COL5A2: variants seen among roughly 807,000 people sequenced by gnomAD.
COL5A2 encodes the protein collagen alpha-2(V) chain.
A neutral mutation model predicts 208.2 loss-of-function variants in COL5A2; 23 were observed. That is an observed-to-expected ratio of 0.11 (90% CI 0.08 to 0.16). COL5A2 has a LOEUF of 0.16. Ranked by LOEUF, COL5A2 falls within the 10% of genes least tolerant of loss-of-function variation. The pLI, the probability that COL5A2 is intolerant of heterozygous loss-of-function variation, is 1.00. For missense variants in COL5A2, 1,590 were observed against 1,956.4 expected, an observed-to-expected ratio of 0.81 and a Z score of 3.53; for synonymous variants, 625 against 628.5, an observed-to-expected ratio of 0.99 and a Z score of 0.08.
At chr2:189,267,516 A>G in the COL5A2 span, among the ~76,000 whole-genome samples, 1 of 152,184 alleles carries the variant, frequency 6.6e-6, no homozygotes, top group Admixed American at 6.6e-5. Flanking sequence ...AATAGGAGCA[A>G]TAAATATAGG....
the COL5A2 span, among the ~76,000 whole-genome samples, chr2:189,325,940 T>C: frequency 4.7e-3 from 714 of 151,954 alleles, 3 homozygotes; most frequent in Admixed American, 8.7e-3. Flanking sequence ...CTACTAAAAA[T>C]ACAAAAATTA....
intron 1 of COL5A2, among the ~76,000 whole-genome samples, chr2:189,220,599 C>T (rs1426077424): frequency 1.3e-5 from 2 of 152,044 alleles, no homozygotes; most frequent in Non-Finnish European, 2.9e-5. Context: ...CTTAGATATA[C>T]ATTCCAAATA....
At chr2:189,311,539 G>T in the COL5A2 span, 2 of 1,253,330 alleles carry the variant, frequency 1.6e-6, no homozygotes, top group Non-Finnish European at 1.1e-6. Flanking sequence ...GGATCCTGTT[G>T]AGCTGCTCCA....
chr2:189,234,056 C>A, the COL5A2 span, among the ~76,000 whole-genome samples: 1 of 151,550 alleles, frequency 6.6e-6, no homozygotes, highest in Non-Finnish European at 1.5e-5. Context: ...TATCTACTTT[C>A]AGCATATTAT....
chr2:189,113,811 A>C (rs1247921614), intron 1 of COL5A2, among the ~76,000 whole-genome samples: 1 of 151,606 alleles, frequency 6.6e-6, no homozygotes, highest in African/African-American at 2.4e-5. Flanking sequence ...AATATGAAAA[A>C]CAAAAACAAG....
chr2:189,262,620 G>A, the COL5A2 span, among the ~76,000 whole-genome samples: 1,074 of 152,018 alleles, frequency 7.1e-3, 16 homozygotes, highest in African/African-American at 0.024. Flanking sequence ...GTACTATCAT[G>A]AAATTTTCAG....
chr2:189,267,802 G>C, the COL5A2 span, among the ~76,000 whole-genome samples: 1 of 152,094 alleles, frequency 6.6e-6, no homozygotes, highest in Non-Finnish European at 1.5e-5. Flanking sequence ...TTTACTAAAA[G>C]TCATTTGGCC....
intron 1 of COL5A2, among the ~76,000 whole-genome samples, chr2:189,197,137 G>T (rs1364838760): frequency 6.6e-6 from 1 of 152,022 alleles, no homozygotes; most frequent in African/African-American, 2.4e-5. Flanking sequence ...CCTTTGCAGG[G>T]GCATGGATGA....
chr2:189,311,004 G>C, the COL5A2 span, among the ~76,000 whole-genome samples: 1 of 152,028 alleles, frequency 6.6e-6, no homozygotes, highest in Non-Finnish European at 1.5e-5. Flanking sequence ...TGGCTGGCTG[G>C]AGTTCCAGGC....
At position 189,078,555 on chromosome 2, in the gene COL5A2, C is replaced by A. The variant is rs765322081; in HGVS notation, c.1020G>T (p.Met340Ile). 2 of 1,612,706 alleles carry A rather than the reference C, an allele frequency of 1.2e-6. No homozygotes were observed. Among genetic ancestry groups the A allele is most frequent in the African/African-American group, 2.7e-5 (2 of 74,988 alleles). ...GAMGPLGPRG[M>I]PGERGRLGPQ... The stretch of plus-strand genomic sequence containing the variant: ...GCCCAAGTCTCCCTCTCTCTCCTGG[C>A]ATTCCCCTCGGACCCTATAGACGAT... Residue 340 changes from methionine to isoleucine, a missense_variant, in exon 16 of 54, where the codon ATG (methionine) becomes ATT (isoleucine). By Grantham distance (10) the Met-to-Ile change is conservative. Transcript: ENST00000374866.
intron 52 of COL5A2, among the ~76,000 whole-genome samples, chr2:189,036,040 A>G (rs1465293959): frequency 2.6e-5 from 4 of 152,246 alleles, no homozygotes; most frequent in Middle Eastern, 6.8e-3. Context: ...AAAATGATTC[A>G]ATTATTTAGA....
the COL5A2 span, among the ~76,000 whole-genome samples, chr2:189,319,021 G>C: frequency 6.6e-6 from 1 of 151,956 alleles, no homozygotes; most frequent in Non-Finnish European, 1.5e-5. Flanking sequence ...CAGAAGCAAG[G>C]CTCAACATAA....
chr2:189,242,947 A>T, the COL5A2 span, among the ~76,000 whole-genome samples: 3 of 152,190 alleles, frequency 2.0e-5, no homozygotes, highest in Non-Finnish European at 4.4e-5. Flanking sequence ...CCAAATGGGG[A>T]TACCAGAATA....
rs1064795616 is a variant in COL5A2 at position 189,053,009 on chromosome 2, C to T, written c.2563G>A (p.Gly855Arg). The T allele has an allele frequency of 8.1e-6, 13 of 1,613,246 alleles. No individual in the cohort carries two copies. Among genetic ancestry groups the T allele is most frequent in the African/African-American group, 1.3e-5 (1 of 74,820 alleles). Reference protein sequence around the residue: ...VGFAGPQGPDGQPGVKGEPGE... With the variant: ...VGFAGPQGPDRQPGVKGEPGE... The stretch of plus-strand genomic sequence containing the variant: ...GGTTCACCTTTTACTCCAGGCTGTC[C>T]GTCAGGACCCTATAAAAAATTATAC... The change falls in exon 39 of 54, where the codon GGA (glycine) becomes AGA (arginine). Residue 855 changes from glycine (G) to arginine (R), a missense_variant. Physicochemically the swap from Gly to Arg is moderately radical, Grantham distance 125. Coordinates refer to ENST00000374866, the MANE Select transcript of COL5A2 (RefSeq NM_000393.5).
At chr2:189,200,198 A>G (rs903457897) in intron 1 of COL5A2, among the ~76,000 whole-genome samples, 84 of 152,190 alleles carry the variant, frequency 5.5e-4, no homozygotes, top group Non-Finnish European at 9.6e-4. Flanking sequence ...TAATACCTTG[A>G]TGGTATAAAA....
the COL5A2 span, among the ~76,000 whole-genome samples, chr2:189,372,753 ACAGT>A: frequency 6.6e-6 from 1 of 152,186 alleles, no homozygotes; most frequent in South Asian, 2.1e-4. Context: ...TTCCAAAAAT[ACAGT>A]CATTATAAAG....
At chr2:189,414,751 CT>C in the COL5A2 span, among the ~76,000 whole-genome samples, 2 of 61,018 alleles carry the variant, frequency 3.3e-5, no homozygotes, top group African/African-American at 6.6e-5. Flanking sequence ...AAGACTCTGT[CT>C]CAAAAAAAAA....
intron 1 of COL5A2, among the ~76,000 whole-genome samples, chr2:189,146,079 CATTGATCGG>C (rs1688033811): frequency 1.3e-5 from 2 of 152,064 alleles, no homozygotes; most frequent in African/African-American, 2.4e-5. Context: ...TATCTTCATA[CATTGATCGG>C]ATGAACAATG....
chr2:189,246,559 T>C, the COL5A2 span, among the ~76,000 whole-genome samples: 1 of 152,220 alleles, frequency 6.6e-6, no homozygotes, highest in African/African-American at 2.4e-5. Flanking sequence ...AAATAGGTGA[T>C]ATCCCAGTAG....
Sources: allele counts gnomAD v4.1 joint callset (sites outside exome capture counted in the v4.1 genomes callset), GRCh38; gene constraint gnomAD v4.1.1; transcripts MANE v1.5; gene names NCBI Gene and HGNC (gene_info 2026-07-23, HGNC 2026-07-21).